Variants in FOXN3 observed in about 807,000 individuals in gnomAD.
FOXN3 encodes forkhead box N3.
Under a neutral mutation model 38.4 loss-of-function variants are expected in FOXN3, and 7 were observed. The ratio of observed to expected loss-of-function variants is 0.18; its 90% CI spans 0.10 to 0.34. FOXN3 has a LOEUF of 0.34. FOXN3 is among the 10% of genes least tolerant of loss of function. The probability of loss-of-function intolerance (pLI) is 1.00; values close to 1 mark genes in which losing one functional copy is unlikely to be tolerated. For synonymous variants in FOXN3, 230 were observed against 242.2 expected, an observed-to-expected ratio of 0.95 and a Z score of 0.47; for missense variants, 456 against 613.4, an observed-to-expected ratio of 0.74 and a Z score of 2.71.
chr14:89,386,558 AAGTAAG>A (rs928123802), intron 2 of FOXN3, among the ~76,000 whole-genome samples: 4 of 152,244 alleles, frequency 2.6e-5, no homozygotes, highest in African/African-American at 7.2e-5. Context: ...AGGTCAGGTT[AAGTAAG>A]ATAGTGCCCA....
chr14:89,161,440 T>C lies in FOXN3; in HGVS notation c.*974A>G, dbSNP rs1446834492. The C allele has an allele frequency of 6.6e-6, 1 of 151,810 alleles. No homozygotes were observed. Among genetic ancestry groups the C allele is most frequent in the Non-Finnish European group, 1.5e-5 (1 of 67,986 alleles). The allele number at this position is 151,810 out of a possible 1,614,324, so 9.4% of individuals were successfully genotyped here. On this transcript the variant is annotated 3_prime_UTR_variant, in exon 6 of 6. Transcript: ENST00000557258. ...GTTTTGATAGACAGAAAAAGATCTG[T>C]ACCATTATTTCCTTTCCTTAACAGC...
intron 1 of FOXN3, among the ~76,000 whole-genome samples, chr14:89,443,591 T>C (rs906415323): frequency 6.6e-6 from 1 of 152,200 alleles, no homozygotes; most frequent in African/African-American, 2.4e-5. Flanking sequence ...TGTTCTTTAC[T>C]GGCAGGCACA....
chr14:89,208,491 T>C (rs1422613884), intron 4 of FOXN3, among the ~76,000 whole-genome samples: 3 of 152,226 alleles, frequency 2.0e-5, no homozygotes, highest in African/African-American at 7.2e-5. Context: ...AATCACCAAG[T>C]TGAAAAGATC....
intron 2 of FOXN3, chr14:89,364,849 T>C (rs1890090402): frequency 6.6e-6 from 1 of 152,234 alleles, no homozygotes; most frequent in South Asian, 2.1e-4. Context: ...GAAGGAATTC[T>C]TTTAGGCCCA....
At chr14:89,491,024 G>T (rs538329457) in intron 1 of FOXN3, among the ~76,000 whole-genome samples, 5 of 152,270 alleles carry the variant, frequency 3.3e-5, no homozygotes, top group Admixed American at 2.0e-4. Context: ...GCCCAGGCTG[G>T]AGTGCAATGG....
At position 89,520,444 on chromosome 14, in the gene FOXN3, G is replaced by C. The variant is rs59977846; in HGVS notation, c.-15+98584C>G. ...TGGTTGGGAAAACCAAAAGACAAGA[G>C]TTTGGGACAACCATGAAAGTTAGAA... On this transcript the variant is annotated intron_variant, in intron 1 of 6. Transcript: ENST00000345097. Among the ~76,000 whole-genome samples the C allele has an allele frequency of 7.4e-3, 1,121 of 152,278 alleles. 9 individuals are homozygous for C. Among genetic ancestry groups the C allele is most frequent in the African/African-American group, 0.026 (1,065 of 41,558 alleles).
chr14:89,518,009 T>C (rs754822181), intron 1 of FOXN3, among the ~76,000 whole-genome samples: 6 of 152,234 alleles, frequency 3.9e-5, no homozygotes, highest in Non-Finnish European at 8.8e-5. Flanking sequence ...CATTTAGAGC[T>C]GACTGCTTTG....
At chr14:89,368,285 AC>A in intron 2 of FOXN3, among the ~76,000 whole-genome samples, 1 of 146,108 alleles carries the variant, frequency 6.8e-6, no homozygotes, top group Admixed American at 7.1e-5. Context: ...AACCAAGATC[AC>A]CCCATTGCAC....
chr14:89,446,312 C>A (rs1892498704), intron 1 of FOXN3, among the ~76,000 whole-genome samples: 1 of 150,550 alleles, frequency 6.6e-6, no homozygotes, highest in Non-Finnish European at 1.5e-5. Context: ...CCTCAGCCTC[C>A]CGAGTAGCTG....
intron 4 of FOXN3, among the ~76,000 whole-genome samples, chr14:89,223,622 C>T (rs1884539627): frequency 6.6e-6 from 1 of 152,196 alleles, no homozygotes; most frequent in Non-Finnish European, 1.5e-5. Flanking sequence ...CAGAAAGCAT[C>T]TGATTTGGAA....
At chr14:89,235,438 G>A (rs1330475951) in intron 4 of FOXN3, among the ~76,000 whole-genome samples, 1 of 152,182 alleles carries the variant, frequency 6.6e-6, no homozygotes, top group Non-Finnish European at 1.5e-5. Context: ...CAGCCGTTGT[G>A]ACCCTGGAGG....
At chr14:89,379,343 G>C (rs17125792) in intron 2 of FOXN3, among the ~76,000 whole-genome samples, 2,342 of 152,262 alleles carry the variant, frequency 0.015, 76 homozygotes, top group African/African-American at 0.054. Context: ...ATTCTAGACC[G>C]TGGTTTCTCA....
intron 1 of FOXN3, among the ~76,000 whole-genome samples, chr14:89,431,979 T>C (rs1892168831): frequency 6.6e-6 from 1 of 152,202 alleles, no homozygotes; most frequent in Admixed American, 6.5e-5. Flanking sequence ...CCTCCCAAAG[T>C]GCTGGGATTA....
At chr14:89,406,196 C>T (rs1891383427) in intron 2 of FOXN3, among the ~76,000 whole-genome samples, 2 of 151,844 alleles carry the variant, frequency 1.3e-5, no homozygotes, top group African/African-American at 4.8e-5. Context: ...ATCTGCTTGC[C>T]TCGGCCTCCC....
chr14:89,524,840 T>C (rs1894403542), intron 1 of FOXN3, among the ~76,000 whole-genome samples: 2 of 152,118 alleles, frequency 1.3e-5, no homozygotes, highest in Admixed American at 1.3e-4. Context: ...TTTTCTTAAA[T>C]TGAACACTTA....
At chr14:89,303,140 G>GT (rs1887271290) in intron 3 of FOXN3, among the ~76,000 whole-genome samples, 1 of 152,050 alleles carries the variant, frequency 6.6e-6, no homozygotes, top group South Asian at 2.1e-4. Flanking sequence ...TTGTCTTTTA[G>GT]TTTTTTTCGC....
intron 4 of FOXN3, chr14:89,190,402 G>A: frequency 6.2e-7 from 1 of 1,613,744 alleles, no homozygotes; most frequent in Non-Finnish European, 8.5e-7. Context: ...TGTATCTCAG[G>A]GGGAGTATTC....
At chr14:89,253,202 A>C (rs1283786513) in intron 4 of FOXN3, among the ~76,000 whole-genome samples, 2 of 152,202 alleles carry the variant, frequency 1.3e-5, no homozygotes, top group Non-Finnish European at 2.9e-5. Flanking sequence ...GGGACCAAAA[A>C]TGGAGGGAGC....
intron 4 of FOXN3, among the ~76,000 whole-genome samples, chr14:89,204,150 T>C (rs1350441373): frequency 6.6e-6 from 1 of 150,454 alleles, no homozygotes; most frequent in East Asian, 2.0e-4. Context: ...CTTTCTCCCT[T>C]AGAAACCCGA....
Sources: gnomAD v4.1 joint callset for allele counts (sites outside exome capture counted in the v4.1 genomes callset) on GRCh38, gnomAD v4.1.1 for gene constraint, MANE v1.5 for transcripts, NCBI Gene and HGNC (gene_info 2026-07-23, HGNC 2026-07-21) for gene names.